Variants in DNAJC15 observed in about 807,000 individuals in gnomAD.
DNAJC15 encodes dnaJ homolog subfamily C member 15.
Under a neutral mutation model 22.4 loss-of-function variants are expected in DNAJC15, and 27 were observed. The observed-to-expected ratio is 1.20, with a 90% confidence interval of 0.89 to 1.66. The LOEUF is 1.66. Ranked by LOEUF, DNAJC15 falls within the 40% of genes most tolerant of loss-of-function variation. DNAJC15 has a pLI of 0.00. For missense variants in DNAJC15, 208 were observed against 187.1 expected (o/e 1.11, Z -0.65); for synonymous variants, 79 against 63.2 (o/e 1.25, Z -1.19).
At chr13:43,079,370 T>C (rs1158646527) in intron 4 of DNAJC15, among the ~76,000 whole-genome samples, 1 of 152,176 alleles carries the variant, frequency 6.6e-6, no homozygotes. Flanking sequence ...TTGACAAAAA[T>C]GTTTTGATAT....
chr13:43,110,506 G>A lies in DNAJC15; in HGVS notation c.*3258G>A, dbSNP rs2040819653. 6.6e-6 allele frequency: 1 copy of A among 152,112 alleles called. No homozygotes were observed. Among genetic ancestry groups the A allele is most frequent in the Non-Finnish European group, 1.5e-5 (1 of 68,036 alleles). The allele number at this position is 152,112 out of a possible 1,614,324, so 9.4% of individuals were successfully genotyped here. On this transcript the variant is annotated 3_prime_UTR_variant, in exon 6 of 6. Coordinates refer to ENST00000379221, the MANE Select transcript of DNAJC15 (RefSeq NM_013238.3). ...TGTGAAGGCATTACTTAAGAACAAA[G>A]TCAGGCATGTATAATTGAACTACAG...
At chr13:43,051,462 T>C (rs181391604) in intron 1 of DNAJC15, among the ~76,000 whole-genome samples, 155 of 152,276 alleles carry the variant, frequency 1.0e-3, no homozygotes, top group Non-Finnish European at 1.8e-3. Context: ...ATCCGTTGTA[T>C]CAATTCTTAT....
At chr13:43,080,900 T>C (rs777334440) in intron 4 of DNAJC15, among the ~76,000 whole-genome samples, 5 of 152,236 alleles carry the variant, frequency 3.3e-5, no homozygotes, top group Non-Finnish European at 7.3e-5. Context: ...CCCTTTCTTT[T>C]CAGTCAGGCA....
intron 1 of DNAJC15, among the ~76,000 whole-genome samples, chr13:43,048,598 A>G (rs934477848): frequency 2.0e-5 from 3 of 152,218 alleles, no homozygotes; most frequent in East Asian, 3.8e-4. Context: ...ACCATGACAG[A>G]TTATTAAAAA....
chr13:43,024,553 C>T (rs988196863), intron 1 of DNAJC15, among the ~76,000 whole-genome samples: 13 of 151,648 alleles, frequency 8.6e-5, no homozygotes, highest in African/African-American at 3.2e-4. Context: ...ACCGTGTTAG[C>T]CAGGATGGTC....
At chr13:43,057,788 G>T (rs2040538964) in intron 1 of DNAJC15, among the ~76,000 whole-genome samples, 1 of 152,200 alleles carries the variant, frequency 6.6e-6, no homozygotes, top group African/African-American at 2.4e-5. Context: ...GTCCCATGGG[G>T]TGATCCTTTG....
intron 3 of DNAJC15, among the ~76,000 whole-genome samples, chr13:43,073,450 A>C (rs2040617971): frequency 6.6e-6 from 1 of 150,576 alleles, no homozygotes; most frequent in Non-Finnish European, 1.5e-5. Flanking sequence ...TGCGTATCAG[A>C]AAAAGAGGCA....
At chr13:43,095,686 T>C (rs894780785) in intron 5 of DNAJC15, among the ~76,000 whole-genome samples, 2 of 151,946 alleles carry the variant, frequency 1.3e-5, no homozygotes, top group African/African-American at 4.8e-5. Flanking sequence ...GAAAAAAATG[T>C]AAGGAGAAAA....
intron 1 of DNAJC15, among the ~76,000 whole-genome samples, chr13:43,050,101 G>A (rs2040495880): frequency 1.3e-5 from 2 of 151,940 alleles, no homozygotes; most frequent in Non-Finnish European, 2.9e-5. Context: ...TGTATTTTTA[G>A]TAGAGACGGG....
intron 3 of DNAJC15, 31 bp from the exon 4 acceptor site, chr13:43,078,581 A>G (rs973448629): frequency 1.1e-5 from 17 of 1,593,320 alleles, no homozygotes; most frequent in Non-Finnish European, 1.3e-5. Flanking sequence ...ACGTGGAACT[A>G]ATGATTTCTT....
chr13:43,091,979 C>G (rs1341418530), intron 5 of DNAJC15, among the ~76,000 whole-genome samples: 1 of 152,164 alleles, frequency 6.6e-6, no homozygotes, highest in Non-Finnish European at 1.5e-5. Flanking sequence ...TCTGCAGTTA[C>G]TCTATGCAAT....
At chr13:43,106,765 A>AAAG (rs2040798675) in intron 5 of DNAJC15, among the ~76,000 whole-genome samples, 1 of 151,612 alleles carries the variant, frequency 6.6e-6, no homozygotes, top group African/African-American at 2.4e-5. Context: ...CCTTCTTCAA[A>AAAG]AAGATACCCG....
At chr13:43,034,362 C>CTGGA (rs2040418219) in intron 1 of DNAJC15, among the ~76,000 whole-genome samples, 1 of 121,814 alleles carries the variant, frequency 8.2e-6, no homozygotes, top group African/African-American at 3.2e-5. Context: ...GTCGCCCAGA[C>CTGGA]TGGAGTGCAG....
At chr13:43,085,939 G>T (rs1411936553) in intron 5 of DNAJC15, 101 bp downstream of exon 5, 13 of 1,049,690 alleles carry the variant, frequency 1.2e-5, no homozygotes, top group Non-Finnish European at 1.8e-5. Context: ...ATGGAAGTTT[G>T]TGCGCCACAT....
At chr13:43,104,673 T>TTTTTC (rs890080056) in intron 5 of DNAJC15, among the ~76,000 whole-genome samples, 51 of 150,816 alleles carry the variant, frequency 3.4e-4, no homozygotes, top group Admixed American at 1.5e-3. Context: ...TTTTTTGTTC[T>TTTTTC]TTTTCTTTTC....
At chr13:43,062,470 C>T (rs1228596291) in intron 1 of DNAJC15, among the ~76,000 whole-genome samples, 1 of 152,080 alleles carries the variant, frequency 6.6e-6, no homozygotes, top group Non-Finnish European at 1.5e-5. Flanking sequence ...GAAAATGGGT[C>T]TAGGGGGAGA....
At chr13:43,102,257 GC>G (rs1346660709) in intron 5 of DNAJC15, among the ~76,000 whole-genome samples, 1 of 152,000 alleles carries the variant, frequency 6.6e-6, no homozygotes, top group African/African-American at 2.4e-5. Flanking sequence ...CATGTCCTTA[GC>G]CCACTTTTTG....
intron 1 of DNAJC15, among the ~76,000 whole-genome samples, chr13:43,059,849 CGGGCATGGG>C (rs1171167143): frequency 6.6e-6 from 1 of 151,734 alleles, no homozygotes; most frequent in African/African-American, 2.4e-5. Context: ...CAATGTTTCG[CGGGCATGGG>C]GTGGATCTCA....
At chr13:43,094,284 AT>A (rs2040729234) in intron 5 of DNAJC15, among the ~76,000 whole-genome samples, 1 of 152,166 alleles carries the variant, frequency 6.6e-6, no homozygotes, top group Non-Finnish European at 1.5e-5. Context: ...GATGTATTTC[AT>A]TTTATCAGTA....
Sources: gnomAD v4.1 joint callset for allele counts (sites outside exome capture counted in the v4.1 genomes callset) on GRCh38, gnomAD v4.1.1 for gene constraint, MANE v1.5 for transcripts, NCBI Gene and HGNC (gene_info 2026-07-23, HGNC 2026-07-21) for gene names.